The following LMX1B variants were observed in gnomAD, a reference collection of about 807,000 sequenced individuals.
LMX1B encodes the protein LIM homeobox transcription factor 1 beta, also known as LIM homeobox transcription factor 1-beta.
A neutral mutation model predicts 51.4 loss-of-function variants in LMX1B; 12 were observed. That is an observed-to-expected ratio of 0.23 (90% confidence interval 0.15 to 0.38). LMX1B has a LOEUF of 0.38. Among genes scored for constraint, LMX1B ranks in the 10% least tolerant of loss-of-function variants. The probability of loss-of-function intolerance (pLI) is 1.00; values close to 1 mark genes in which losing one functional copy is unlikely to be tolerated. For missense variants in LMX1B, 445 were observed against 571.1 expected, an observed-to-expected ratio of 0.78 and a Z score of 2.25; for synonymous variants, 237 against 235.4, an observed-to-expected ratio of 1.01 and a Z score of -0.06.
intron 2 of LMX1B, among the ~76,000 whole-genome samples, chr9:126,644,675 G>A (rs1435301503): frequency 6.6e-6 from 1 of 151,874 alleles, no homozygotes; most frequent in Non-Finnish European, 1.5e-5. Flanking sequence ...GCTCAGCCGA[G>A]TGAGAACTCT....
At position 126,614,397 on chromosome 9, in the gene LMX1B, G is replaced by C; in HGVS notation, c.-53G>C. 1 of 1,348,258 alleles carries C rather than the reference G, an allele frequency of 7.4e-7. No individual in the cohort carries two copies. Among genetic ancestry groups the C allele is most frequent in the Non-Finnish European group, 9.6e-7 (1 of 1,044,106 alleles). The allele number at this position is 1,348,258 out of a possible 1,614,324, so 83.5% of individuals were successfully genotyped here. On this transcript the variant is annotated 5_prime_UTR_variant, in exon 1 of 8. Transcript: ENST00000373474. ...CGCGGCGGCGGAGAGCGGGTGGACG[G>C]GCCGGCGGGCGAGCAGCCCGGCCGG...
rs147932499 is a variant in LMX1B, at chr9:126,653,198, G to C, written c.326+37629G>C. 5.0e-3 allele frequency among the ~76,000 whole-genome samples: 687 copies of C among 136,190 alleles called. 6 individuals carry two copies. The highest frequency in any genetic ancestry group is 0.018 in the African/African-American group (656 of 36,384). The allele number at this position is 136,190 out of a possible 152,430, so 89.3% of individuals were successfully genotyped here. On this transcript the variant is annotated intron_variant, in intron 2 of 7. Transcript: ENST00000373474. ...GACAAGGTCTCACTTGGTCACCCGG[G>C]CTGGAGTGCAGTGGCACAATCACAG...
intron 2 of LMX1B, among the ~76,000 whole-genome samples, chr9:126,627,855 C>G (rs1156619723): frequency 1.3e-5 from 2 of 152,164 alleles, no homozygotes; most frequent in Non-Finnish European, 2.9e-5. Context: ...CGCTACCAGG[C>G]TTGGGGGCTG....
At chr9:126,663,423 C>CA (rs58849866) in intron 2 of LMX1B, among the ~76,000 whole-genome samples, 1,925 of 112,602 alleles carry the variant, frequency 0.017, 33 homozygotes, top group African/African-American at 0.054. Flanking sequence ...GACTCTTTCT[C>CA]AAAAAAAAAA....
At position 126,642,499 on chromosome 9, in the gene LMX1B, C is replaced by A. The variant is rs199838848; in HGVS notation, c.326+26930C>A. Reference sequence around the variant, plus strand: ...TGCTTTTTTCCTTCTCTTCACCGGGCAAACTCTGCTTCTCCCAGGTCATCC... The same window carrying A: ...TGCTTTTTTCCTTCTCTTCACCGGGAAAACTCTGCTTCTCCCAGGTCATCC... On this transcript the variant is annotated intron_variant, in intron 2 of 7. Transcript: ENST00000373474. Among the ~76,000 whole-genome samples the A allele has an allele frequency of 4.1e-4, 62 of 152,342 alleles. No individual in the cohort carries two copies. The East Asian group carries it at 0.012, about 29-fold the overall frequency.
intron 2 of LMX1B, among the ~76,000 whole-genome samples, chr9:126,629,216 C>T (rs1043359995): frequency 2.0e-5 from 3 of 152,128 alleles, no homozygotes; most frequent in African/African-American, 7.2e-5. Flanking sequence ...GGGCACCTCT[C>T]AGGACCTAAC....
Position 126,680,451 on chromosome 9 carries a change from C to T in LMX1B, c.327-10385C>T, listed in dbSNP as rs188933558. On this transcript the variant is annotated intron_variant, in intron 2 of 7. Transcript: ENST00000373474. ...GCAGGGGTCTTACAGAGGAGGAGTC[C>T]ATGGGCAAATAAAGCCCAGAGCTTG... 2.6e-5 allele frequency among the ~76,000 whole-genome samples: 4 copies of T among 152,296 alleles called. No homozygotes were observed. In the East Asian group the frequency reaches 5.8e-4, roughly 22 times the overall value.
intron 2 of LMX1B, among the ~76,000 whole-genome samples, chr9:126,660,575 A>C (rs1836225437): frequency 6.6e-6 from 1 of 152,216 alleles, no homozygotes; most frequent in African/African-American, 2.4e-5. Context: ...AGTTAGTAGC[A>C]GTAGCCACCT....
intron 2 of LMX1B, among the ~76,000 whole-genome samples, chr9:126,662,056 C>T (rs1039301628): frequency 6.6e-6 from 1 of 152,226 alleles, no homozygotes; most frequent in Non-Finnish European, 1.5e-5. Context: ...CCCTGCACCC[C>T]TCCCCCACGC....
At chr9:126,628,851 G>A (rs1161799928) in intron 2 of LMX1B, among the ~76,000 whole-genome samples, 1 of 152,122 alleles carries the variant, frequency 6.6e-6, no homozygotes, top group Non-Finnish European at 1.5e-5. Context: ...ACAGCCAAGC[G>A]GGGAGGGGGG....
intron 2 of LMX1B, among the ~76,000 whole-genome samples, chr9:126,678,140 A>G (rs1014992045): frequency 6.6e-6 from 1 of 151,942 alleles, no homozygotes; most frequent in Admixed American, 6.6e-5. Flanking sequence ...GTGAAACCCC[A>G]TCTCTACTTA....
At chr9:126,628,640 A>C (rs1328357990) in intron 2 of LMX1B, among the ~76,000 whole-genome samples, 1 of 152,200 alleles carries the variant, frequency 6.6e-6, no homozygotes, top group Non-Finnish European at 1.5e-5. Context: ...CTTGACTGAT[A>C]GTTGTTCTGT....
chr9:126,693,892 G>A, intron 6 of LMX1B, 80 bp downstream of exon 6: 1 of 716,016 alleles, frequency 1.4e-6, no homozygotes, highest in Non-Finnish European at 2.4e-6. Context: ...AGGGTGAGCT[G>A]GGGCAGAGGC....
Position 126,626,116 on chromosome 9 carries a change from G to T in LMX1B, c.326+10547G>T, listed in dbSNP as rs139730426. Reference sequence around the variant, plus strand: ...GTCAGTGGAACCGGAGGGGGACTTCGGAGGAATTTGTCTCTGATGTCCCGG... The same window carrying T: ...GTCAGTGGAACCGGAGGGGGACTTCTGAGGAATTTGTCTCTGATGTCCCGG... On this transcript the variant is annotated intron_variant, in intron 2 of 7. Transcript: ENST00000373474. The surrounding 1 kb of genome is among the most constrained non-coding windows in gnomAD (Gnocchi z 4.3). 2.6e-5 allele frequency among the ~76,000 whole-genome samples: 4 copies of T among 152,354 alleles called. No individual in the cohort carries two copies. In the East Asian group the frequency reaches 5.8e-4, roughly 22 times the overall value.
intron 2 of LMX1B, among the ~76,000 whole-genome samples, chr9:126,627,233 G>A (rs1564147895): frequency 6.6e-6 from 1 of 151,940 alleles, no homozygotes; most frequent in Admixed American, 6.6e-5. Flanking sequence ...TGCCCTGCAG[G>A]CAGCTGAGGC....
intron 2 of LMX1B, among the ~76,000 whole-genome samples, chr9:126,685,549 AG>A (rs1836754211): frequency 6.6e-6 from 1 of 152,064 alleles, no homozygotes; most frequent in African/African-American, 2.4e-5. Flanking sequence ...GCTGTGGCGG[AG>A]GGGCTGGACA....
At chr9:126,664,022 C>A (rs1050293209) in intron 2 of LMX1B, among the ~76,000 whole-genome samples, 1 of 152,338 alleles carries the variant, frequency 6.6e-6, no homozygotes, top group Non-Finnish European at 1.5e-5. Flanking sequence ...TGCCCTCCCA[C>A]GCCAGCTGCA....
intron 2 of LMX1B, among the ~76,000 whole-genome samples, chr9:126,630,430 C>T (rs1229186118): frequency 1.3e-5 from 2 of 152,190 alleles, no homozygotes; most frequent in African/African-American, 4.8e-5. Context: ...GGGCACATTT[C>T]ATCACTGGGG....
chr9:126,661,184 C>T (rs973332794), intron 2 of LMX1B, among the ~76,000 whole-genome samples: 1 of 152,140 alleles, frequency 6.6e-6, no homozygotes, highest in Admixed American at 6.5e-5. Flanking sequence ...GGCGACCCCT[C>T]AAGCTAATGT....
Sources: allele counts gnomAD v4.1 joint callset (sites outside exome capture counted in the v4.1 genomes callset), GRCh38; gene constraint gnomAD v4.1.1; non-coding constraint Gnocchi (gnomAD v3.1); transcripts MANE v1.5; gene names NCBI Gene and HGNC (gene_info 2026-07-23, HGNC 2026-07-21).